Variants in ENTREP2 observed in about 807,000 individuals in gnomAD.
ENTREP2 encodes endosomal transmembrane epsin interactor 2, also known as protein ENTREP2.
the ENTREP2 span, among the ~76,000 whole-genome samples, chr15:29,647,799 G>A: frequency 2.0e-5 from 3 of 152,038 alleles, no homozygotes; most frequent in Admixed American, 6.6e-5. Flanking sequence ...AGGAGCAAGT[G>A]GCTACATATG....
At chr15:29,261,119 G>A in the ENTREP2 span, among the ~76,000 whole-genome samples, 1,043 of 152,244 alleles carry the variant, frequency 6.9e-3, 13 homozygotes, top group African/African-American at 0.024. Flanking sequence ...TCAAAAACAC[G>A]TACACAGCTG....
At chr15:29,394,444 GAAAGCCACAATAGTTATA>G in the ENTREP2 span, among the ~76,000 whole-genome samples, 1 of 152,108 alleles carries the variant, frequency 6.6e-6, no homozygotes, top group African/African-American at 2.4e-5. Flanking sequence ...AAACAGTTTA[GAAAGCCACAATAGTTATA>G]AGTGGCTCAA....
the ENTREP2 span, among the ~76,000 whole-genome samples, chr15:29,175,842 G>A: frequency 2.0e-5 from 3 of 152,300 alleles, no homozygotes; most frequent in East Asian, 1.9e-4. Flanking sequence ...CCCTGACCTC[G>A]TGATCCACCC....
chr15:29,213,889 G>C, the ENTREP2 span, among the ~76,000 whole-genome samples: 1 of 152,158 alleles, frequency 6.6e-6, no homozygotes, highest in Admixed American at 6.5e-5. Flanking sequence ...GATATGAACA[G>C]ACACTTCTCA....
chr15:29,404,782 C>T, the ENTREP2 span, among the ~76,000 whole-genome samples: 1 of 152,122 alleles, frequency 6.6e-6, no homozygotes, highest in Non-Finnish European at 1.5e-5. Context: ...GCCTCCCCAG[C>T]AGCCTAACTC....
At chr15:29,480,118 C>G in the ENTREP2 span, among the ~76,000 whole-genome samples, 1 of 152,220 alleles carries the variant, frequency 6.6e-6, no homozygotes, top group Admixed American at 6.5e-5. Flanking sequence ...CTAATTATCT[C>G]TGCTTTTTTT....
chr15:29,664,430 CTT>C, the ENTREP2 span, among the ~76,000 whole-genome samples: 22 of 151,506 alleles, frequency 1.5e-4, no homozygotes, highest in African/African-American at 4.6e-4. Context: ...GAAAGAGACT[CTT>C]TATTTTTCTC....
At chr15:29,220,081 G>A in the ENTREP2 span, among the ~76,000 whole-genome samples, 2 of 152,130 alleles carry the variant, frequency 1.3e-5, no homozygotes, top group Non-Finnish European at 2.9e-5. Flanking sequence ...GAGACAGTAG[G>A]CCAGAAGTCG....
the ENTREP2 span, among the ~76,000 whole-genome samples, chr15:29,507,666 C>T: frequency 9.9e-5 from 15 of 152,006 alleles, no homozygotes; most frequent in Admixed American, 8.5e-4. Flanking sequence ...GGGTAAATAA[C>T]GAAATTAAGG....
the ENTREP2 span, among the ~76,000 whole-genome samples, chr15:29,318,157 A>G: frequency 6.6e-6 from 1 of 152,200 alleles, no homozygotes; most frequent in Non-Finnish European, 1.5e-5. Context: ...GTTGCATTGC[A>G]CTGCACAGAT....
the ENTREP2 span, among the ~76,000 whole-genome samples, chr15:29,155,423 G>A: frequency 1.3e-5 from 2 of 152,298 alleles, no homozygotes; most frequent in East Asian, 3.9e-4. Context: ...TCCTGTGTGA[G>A]CACCAGGCAC....
the ENTREP2 span, among the ~76,000 whole-genome samples, chr15:29,598,044 G>A: frequency 5.9e-4 from 89 of 152,122 alleles, no homozygotes; most frequent in South Asian, 4.8e-3. Flanking sequence ...GATCTCTTGA[G>A]CCTGGGAGGC....
chr15:29,523,740 T>C, the ENTREP2 span, among the ~76,000 whole-genome samples: 1 of 152,084 alleles, frequency 6.6e-6, no homozygotes, highest in African/African-American at 2.4e-5. Flanking sequence ...CATACATTTA[T>C]AGTCAATTGA....
the ENTREP2 span, among the ~76,000 whole-genome samples, chr15:29,164,584 G>T: frequency 3.3e-5 from 5 of 152,024 alleles, no homozygotes; most frequent in African/African-American, 1.2e-4. Flanking sequence ...AGACAAAGTG[G>T]GACATTATAT....
the ENTREP2 span, among the ~76,000 whole-genome samples, chr15:29,540,172 G>A: frequency 6.6e-6 from 1 of 152,238 alleles, no homozygotes; most frequent in East Asian, 1.9e-4. Context: ...CTCAAAGACA[G>A]GCCAATGTAT....
chr15:29,582,269 A>T, the ENTREP2 span, among the ~76,000 whole-genome samples: 1 of 152,248 alleles, frequency 6.6e-6, no homozygotes, highest in Non-Finnish European at 1.5e-5. Flanking sequence ...ACAAATAAAT[A>T]ACAACTTCTA....
chr15:29,656,652 G>A, the ENTREP2 span, among the ~76,000 whole-genome samples: 871 of 152,280 alleles, frequency 5.7e-3, 15 homozygotes, highest in African/African-American at 0.02. Context: ...ACCACAGTGA[G>A]AGTCCAGTAC....
chr15:29,490,224 G>A, the ENTREP2 span, among the ~76,000 whole-genome samples: 3 of 152,090 alleles, frequency 2.0e-5, no homozygotes, highest in African/African-American at 7.2e-5. Flanking sequence ...GGACATGTTG[G>A]GAGTTTCTTC....
the ENTREP2 span, among the ~76,000 whole-genome samples, chr15:29,620,345 C>T: frequency 1.1e-4 from 17 of 152,184 alleles, no homozygotes; most frequent in South Asian, 3.1e-3. Flanking sequence ...TGCTGCAGGC[C>T]GGGTTGCTCT....
Sources: gnomAD v4.1 joint callset for allele counts (sites outside exome capture counted in the v4.1 genomes callset) on GRCh38, gnomAD v4.1.1 for gene constraint, MANE v1.5 for transcripts, NCBI Gene and HGNC (gene_info 2026-07-23, HGNC 2026-07-21) for gene names.